The following C10orf143 variants were observed in gnomAD, a reference collection of about 807,000 sequenced individuals.
C10orf143 encodes uncharacterized protein C10orf143.
chr10:130,093,466 G>C (rs1861414219), intron 1 of C10orf143, among the ~76,000 whole-genome samples: 1 of 152,168 alleles, frequency 6.6e-6, no homozygotes, highest in Admixed American at 6.5e-5. Context: ...AAGTGGGAAA[G>C]ATCAAAAATT....
chr10:130,101,893 A>T, intron 1 of C10orf143, among the ~76,000 whole-genome samples: 1 of 146,636 alleles, frequency 6.8e-6, no homozygotes, highest in Admixed American at 6.8e-5. Flanking sequence ...AAACTTTTTC[A>T]GAATATAGAA....
chr10:130,085,209 A>C (rs1208049717), intron 1 of C10orf143, among the ~76,000 whole-genome samples: 2 of 152,210 alleles, frequency 1.3e-5, no homozygotes, highest in Non-Finnish European at 2.9e-5. Flanking sequence ...TTAAGGAGAA[A>C]CTGGATGTTT....
At chr10:130,045,717 G>A (rs1860660218) in intron 3 of C10orf143, among the ~76,000 whole-genome samples, 1 of 152,266 alleles carries the variant, frequency 6.6e-6, no homozygotes, top group Non-Finnish European at 1.5e-5. Context: ...TCACGACTCA[G>A]AAAGTCACAG....
chr10:130,089,118 AG>A (rs1376995244), intron 1 of C10orf143, among the ~76,000 whole-genome samples: 2 of 152,208 alleles, frequency 1.3e-5, no homozygotes, highest in Non-Finnish European at 2.9e-5. Flanking sequence ...ACTGAATTCT[AG>A]GGGAGTGAGT....
intron 3 of C10orf143, among the ~76,000 whole-genome samples, chr10:130,038,724 T>C (rs1860572719): frequency 6.6e-6 from 1 of 152,166 alleles, no homozygotes; most frequent in South Asian, 2.1e-4. Context: ...CCCTGGCTAA[T>C]GAACCTGGGA....
At chr10:130,097,646 A>C (rs1190302465) in intron 1 of C10orf143, among the ~76,000 whole-genome samples, 3 of 152,346 alleles carry the variant, frequency 2.0e-5, no homozygotes, top group African/African-American at 7.2e-5. Context: ...GAATTTTCAG[A>C]ATTTTCTGCA....
At position 130,051,118 on chromosome 10, in the gene C10orf143, G is replaced by A. The variant is rs980226588; in HGVS notation, c.298-15148C>T. Among the ~76,000 whole-genome samples the A allele has an allele frequency of 2.0e-5, 3 of 152,130 alleles. No homozygotes were observed. The East Asian group carries it at 5.8e-4, about 29-fold the overall frequency. On this transcript the variant is annotated intron_variant and NMD_transcript_variant, in intron 3 of 5. Coordinates refer to the C10orf143 transcript ENST00000643056. ...ACTACAATACATAGCGAACATCCAT[G>A]TTCTCACCAGAATTAACTGTTAACA...
chr10:130,054,024 G>A (rs1274284876), intron 3 of C10orf143, among the ~76,000 whole-genome samples: 1 of 152,180 alleles, frequency 6.6e-6, no homozygotes, highest in Non-Finnish European at 1.5e-5. Flanking sequence ...TTTTATTGTG[G>A]CAGGAACACT....
rs538033888 is a variant in C10orf143, at chr10:130,070,060, G to A, written c.298-5677C>T. Among the ~76,000 whole-genome samples the A allele has an allele frequency of 1.6e-4, 24 of 152,252 alleles. No homozygotes were observed. The South Asian group carries it at 5.0e-3, about 32-fold the overall frequency. ...TCATGAATGGGATTCGCATCTGACT[G>A]TATGCTGTTGCTGCATGTAACAGAT... On this transcript the variant is annotated intron_variant, in intron 3 of 3. Coordinates refer to ENST00000637128, the MANE Select transcript of C10orf143 (RefSeq NM_001355042.2).
chr10:130,050,141 G>GA (rs1187528993), intron 3 of C10orf143, among the ~76,000 whole-genome samples: 3 of 152,250 alleles, frequency 2.0e-5, no homozygotes, highest in Non-Finnish European at 4.4e-5. Flanking sequence ...CCGCCTGGGC[G>GA]AGACATTCCT....
rs1386007023 is a variant in C10orf143 at position 130,056,562 on chromosome 10, T to G, written c.298-20592A>C. 1.3e-5 allele frequency among the ~76,000 whole-genome samples: 2 copies of G among 152,184 alleles called. No homozygotes were observed. The highest frequency in any genetic ancestry group is 2.9e-5 in the Non-Finnish European group (2 of 68,042). On this transcript the variant is annotated intron_variant and NMD_transcript_variant, in intron 3 of 5. Coordinates refer to the C10orf143 transcript ENST00000643056. The surrounding 1 kb of genome is among the most constrained non-coding windows in gnomAD (Gnocchi z 4.6). ...TGAGCCATTGAGAGTTTTTTATTTC[T>G]TTCATTTTTTTAAATTAAATTAAAT... is the stretch of plus-strand genomic sequence containing the variant.
chr10:130,068,026 A>G (rs1017917481), intron 3 of C10orf143: 1 of 152,490 alleles, frequency 6.6e-6, no homozygotes, highest in African/African-American at 2.4e-5. Context: ...GGAGGAGATG[A>G]CACATGCTGC....
chr10:130,075,786 GCT>G lies in C10orf143; in HGVS notation c.297+3778_297+3779del, dbSNP rs146899818. On this transcript the variant is annotated intron_variant, in intron 3 of 3. Transcript: ENST00000637128. ...AAGTGCATAGCACTTCCCCTCTGGCGCTCTCTCTCTCTCCTGCTGCCATGGTA... is the reference window on the plus strand; with the variant it reads ...AAGTGCATAGCACTTCCCCTCTGGCGCTCTCTCTCTCCTGCTGCCATGGTA... Among the ~76,000 whole-genome samples, 291 of 151,744 alleles carry G rather than the reference GCT, an allele frequency of 1.9e-3. 5 individuals carry two copies. The highest frequency in any genetic ancestry group is 6.7e-3 in the African/African-American group (277 of 41,362).
At chr10:130,035,530 C>T (rs1404368794) in intron 4 of C10orf143, among the ~76,000 whole-genome samples, 1 of 152,220 alleles carries the variant, frequency 6.6e-6, no homozygotes, top group African/African-American at 2.4e-5. Context: ...GCAGCTGCCT[C>T]ATGGCCCCTA....
intron 3 of C10orf143, among the ~76,000 whole-genome samples, chr10:130,039,138 G>C (rs529766852): frequency 2.0e-5 from 3 of 151,596 alleles, no homozygotes; most frequent in Admixed American, 1.3e-4. Flanking sequence ...AGCTGGGAAC[G>C]GTGACACTAG....
At chr10:130,097,276 G>A (rs1424485982) in intron 1 of C10orf143, among the ~76,000 whole-genome samples, 1 of 152,176 alleles carries the variant, frequency 6.6e-6, no homozygotes, top group African/African-American at 2.4e-5. Context: ...GTGATGGCCA[G>A]GCATGGGCGC....
At chr10:130,064,835 C>T (rs368725328) in intron 3 of C10orf143, 3 of 152,276 alleles carry the variant, frequency 2.0e-5, no homozygotes, top group African/African-American at 7.2e-5. Context: ...CAACCCATTT[C>T]CTAGAGCAGG....
chr10:130,036,603 C>A (rs1253072737), intron 3 of C10orf143, among the ~76,000 whole-genome samples: 1 of 152,214 alleles, frequency 6.6e-6, no homozygotes. Context: ...CCAGCTGCCA[C>A]CTGGTTCCTG....
chr10:130,104,241 G>A (rs564488123), intron 1 of C10orf143: 1 of 152,362 alleles, frequency 6.6e-6, no homozygotes, highest in African/African-American at 2.4e-5. Flanking sequence ...CTGCCCAATG[G>A]AAACGATAAA....
Sources: allele counts gnomAD v4.1 joint callset (sites outside exome capture counted in the v4.1 genomes callset), GRCh38; gene constraint gnomAD v4.1.1; non-coding constraint Gnocchi (gnomAD v3.1); transcripts MANE v1.5; gene names NCBI Gene and HGNC (gene_info 2026-07-23, HGNC 2026-07-21).